Variants in ANKRD44 observed in about 807,000 individuals in gnomAD.
ANKRD44 encodes ankyrin repeat domain 44, also known as serine/threonine-protein phosphatase 6 regulatory ankyrin repeat subunit B.
A neutral mutation model predicts 116.0 loss-of-function variants in ANKRD44; 35 were observed. That is an observed-to-expected ratio of 0.30 (90% CI 0.23 to 0.40). ANKRD44 has a LOEUF of 0.40. ANKRD44 is among the 10% of genes least tolerant of loss of function. The pLI, the probability that ANKRD44 is intolerant of heterozygous loss-of-function variation, is 1.00. For missense variants in ANKRD44, 1,014 were observed against 1,242.6 expected (o/e 0.82, Z 2.77); for synonymous variants, 435 against 461.8 (o/e 0.94, Z 0.74).
Position 197,044,133 on chromosome 2 carries a change from CT to C in ANKRD44, c.1651-18867del, listed in dbSNP as rs765532517. 2.5e-4 allele frequency among the ~76,000 whole-genome samples: 38 copies of C among 152,282 alleles called. 1 individual carries two copies. The highest frequency in any genetic ancestry group is 2.5e-3 in the Admixed American group (38 of 15,302). On this transcript the variant is annotated intron_variant, in intron 16 of 27. Coordinates refer to ENST00000282272, the MANE Select transcript of ANKRD44 (RefSeq NM_001195144.2). ...GCAATAAAAATGGAAGTGAACACAA[CT>C]GCATAAAAATTTTGGAATACTTCTC...
chr2:197,010,258 G>A (rs1188668465), intron 18 of ANKRD44, among the ~76,000 whole-genome samples: 1 of 152,104 alleles, frequency 6.6e-6, no homozygotes, highest in Non-Finnish European at 1.5e-5. Flanking sequence ...GGGTGTGCAC[G>A]CTCCATCCGC....
At chr2:197,039,759 G>A (rs2076875352) in intron 16 of ANKRD44, among the ~76,000 whole-genome samples, 1 of 150,918 alleles carries the variant, frequency 6.6e-6, no homozygotes, top group Non-Finnish European at 1.5e-5. Flanking sequence ...AAAATGAAAG[G>A]TCTATGTTAA....
intron 1 of ANKRD44, among the ~76,000 whole-genome samples, chr2:197,290,806 T>C (rs1392973154): frequency 1.3e-5 from 2 of 151,770 alleles, no homozygotes; most frequent in Non-Finnish European, 2.9e-5. Flanking sequence ...TGTTTGTTTT[T>C]TGTTTTTTGT....
intron 1 of ANKRD44, among the ~76,000 whole-genome samples, chr2:197,282,956 A>T (rs752323147): frequency 5.9e-5 from 9 of 152,264 alleles, no homozygotes; most frequent in Non-Finnish European, 1.2e-4. Flanking sequence ...CCTGTGGATT[A>T]TTACTTGGCC....
intron 27 of ANKRD44, chr2:196,990,271 T>C (rs1363587002): frequency 4.0e-6 from 4 of 988,328 alleles, no homozygotes; most frequent in Admixed American, 6.1e-5. Context: ...CCTATCTGCC[T>C]CTTCCCTTCC....
intron 2 of ANKRD44, among the ~76,000 whole-genome samples, chr2:197,155,746 C>G (rs2079792877): frequency 6.6e-6 from 1 of 152,116 alleles, no homozygotes; most frequent in African/African-American, 2.4e-5. Context: ...ATCTTTTCAC[C>G]TTGGGTTAAG....
At chr2:197,229,911 T>C (rs151126404) in intron 1 of ANKRD44, among the ~76,000 whole-genome samples, 82 of 152,242 alleles carry the variant, frequency 5.4e-4, no homozygotes, top group South Asian at 2.3e-3. Context: ...ATCCATATCT[T>C]GGGAGTGAAT....
At chr2:197,221,069 G>C (rs1009250154) in intron 1 of ANKRD44, among the ~76,000 whole-genome samples, 26 of 152,100 alleles carry the variant, frequency 1.7e-4, no homozygotes, top group Admixed American at 1.6e-3. Context: ...GGCCAATGTG[G>C]TGAAACCCCG....
intron 1 of ANKRD44, among the ~76,000 whole-genome samples, chr2:197,245,048 G>A (rs951910492): frequency 3.3e-5 from 5 of 152,176 alleles, no homozygotes; most frequent in East Asian, 1.9e-4. Context: ...GCCAAGGTGG[G>A]TCCGGATTTT....
At chr2:196,967,292 G>C (rs140191151) in exon 22 of ANKRD44, 2 of 344,180 alleles carry the variant, frequency 5.8e-6, no homozygotes, top group Non-Finnish European at 1.3e-5. Context: ...AGGCGAATCC[G>C]GTTACTCCCT....
rs1488723072 is a variant in ANKRD44, at chr2:197,187,006, A to C, written c.111+17T>G. On this transcript the variant is annotated intron_variant, in intron 2 of 27. Transcript: ENST00000282272. The stretch of plus-strand genomic sequence containing the variant: ...AGGCTAACAGGGCCTGAGTAGCAAA[A>C]CCACAGTATCTCTTACCAGAGTATT... 5 of 1,612,924 alleles carry C rather than the reference A, an allele frequency of 3.1e-6. No individual in the cohort carries two copies. Among genetic ancestry groups the C allele is most frequent in the Non-Finnish European group, 3.4e-6 (4 of 1,179,260 alleles).
chr2:197,118,482 C>T (rs4586644), intron 8 of ANKRD44, among the ~76,000 whole-genome samples: 120,939 of 151,702 alleles, frequency 0.8, 52,197 homozygotes, highest in East Asian at 0.98. Context: ...CCCAGCTTCT[C>T]GGGAGGCTGA....
At chr2:197,187,393 T>C (rs777445301) in intron 1 of ANKRD44, among the ~76,000 whole-genome samples, 8 of 152,226 alleles carry the variant, frequency 5.3e-5, no homozygotes, top group Non-Finnish European at 1.0e-4. Context: ...GAAACTTTGA[T>C]AGGCCCTTAA....
intron 15 of ANKRD44, 64 bp from the exon 16 acceptor site, chr2:197,078,878 G>A (rs947548846): frequency 4.6e-6 from 7 of 1,520,806 alleles, no homozygotes; most frequent in Non-Finnish European, 6.3e-6. Flanking sequence ...GATAATTTAT[G>A]TAAATCCTCC....
chr2:196,972,753 T>C (rs539492610), intron 21 of ANKRD44, among the ~76,000 whole-genome samples: 6 of 152,368 alleles, frequency 3.9e-5, no homozygotes, highest in African/African-American at 1.4e-4. Context: ...ATCTGCATCA[T>C]ACTAGTTGTT....
chr2:197,017,171 CA>C (rs1247945583), intron 17 of ANKRD44, among the ~76,000 whole-genome samples: 1 of 152,092 alleles, frequency 6.6e-6, no homozygotes, highest in Non-Finnish European at 1.5e-5. Context: ...GGTGGTTTAA[CA>C]AAATCTATCA....
At chr2:197,036,312 G>A (rs1031959483) in intron 16 of ANKRD44, among the ~76,000 whole-genome samples, 1 of 152,118 alleles carries the variant, frequency 6.6e-6, no homozygotes, top group African/African-American at 2.4e-5. Context: ...AGACTGGAGT[G>A]CAGTGGCATG....
At chr2:197,156,320 T>C (rs1344391642) in intron 2 of ANKRD44, among the ~76,000 whole-genome samples, 5 of 150,830 alleles carry the variant, frequency 3.3e-5, no homozygotes, top group Non-Finnish European at 5.9e-5. Context: ...CACTCCATCC[T>C]GGGCGACAGA....
At chr2:197,180,914 T>C (rs567080008) in intron 2 of ANKRD44, among the ~76,000 whole-genome samples, 3 of 151,898 alleles carry the variant, frequency 2.0e-5, no homozygotes, top group Non-Finnish European at 4.4e-5. Context: ...CTTGCTATTG[T>C]AAATGTGCCT....
Sources: gnomAD v4.1 joint callset for allele counts (sites outside exome capture counted in the v4.1 genomes callset) on GRCh38, gnomAD v4.1.1 for gene constraint, MANE v1.5 for transcripts, NCBI Gene and HGNC (gene_info 2026-07-23, HGNC 2026-07-21) for gene names.